Variants in NR2F1-AS1 observed in about 807,000 individuals in gnomAD.
NR2F1-AS1 encodes NR2F1 regulatory antisense RNA 1.
At chr5:93,540,662 G>C (rs1319237636) in intron 4 of NR2F1-AS1, among the ~76,000 whole-genome samples, 1 of 152,104 alleles carries the variant, frequency 6.6e-6, no homozygotes, top group African/African-American at 2.4e-5. Context: ...GTGGAGTTGT[G>C]CTAAAAATCT....
At chr5:93,520,051 C>T (rs1365036337) in intron 4 of NR2F1-AS1, among the ~76,000 whole-genome samples, 1 of 152,012 alleles carries the variant, frequency 6.6e-6, no homozygotes, top group African/African-American at 2.4e-5. Flanking sequence ...ACATTCACTA[C>T]TATTTTCAGT....
intron 4 of NR2F1-AS1, among the ~76,000 whole-genome samples, chr5:93,539,061 T>C (rs1751896581): frequency 6.6e-6 from 1 of 152,146 alleles, no homozygotes; most frequent in African/African-American, 2.4e-5. Context: ...GGCGGATCAC[T>C]TGAGGTCAGG....
At chr5:93,459,566 G>A (rs1750044897) in intron 4 of NR2F1-AS1, among the ~76,000 whole-genome samples, 1 of 152,092 alleles carries the variant, frequency 6.6e-6, no homozygotes, top group African/African-American at 2.4e-5. Context: ...CAGTAAAGCT[G>A]AGTTTTAGAA....
chr5:93,549,679 G>A (rs909662846), intron 4 of NR2F1-AS1, among the ~76,000 whole-genome samples: 1 of 152,030 alleles, frequency 6.6e-6, no homozygotes, highest in African/African-American at 2.4e-5. Context: ...ATTTTGTGCA[G>A]GATTCTCAAG....
At chr5:93,517,678 G>T (rs1040152462) in intron 4 of NR2F1-AS1, among the ~76,000 whole-genome samples, 1 of 152,000 alleles carries the variant, frequency 6.6e-6, no homozygotes, top group Non-Finnish European at 1.5e-5. Context: ...GATTTACAAT[G>T]TTACTAAGCA....
chr5:93,564,049 T>G (rs1420747594), intron 1 of NR2F1-AS1, among the ~76,000 whole-genome samples: 6 of 127,958 alleles, frequency 4.7e-5, no homozygotes, highest in Non-Finnish European at 6.2e-5. Flanking sequence ...TTACAATGAG[T>G]GGAGATCACG....
At chr5:93,559,537 G>C (rs1752439736) in intron 2 of NR2F1-AS1, among the ~76,000 whole-genome samples, 1 of 152,094 alleles carries the variant, frequency 6.6e-6, no homozygotes, top group Non-Finnish European at 1.5e-5. Context: ...CTAGCTTTTG[G>C]CCTGTGTTGG....
chr5:93,508,397 A>G (rs1012772424), intron 4 of NR2F1-AS1, among the ~76,000 whole-genome samples: 1 of 152,198 alleles, frequency 6.6e-6, no homozygotes, highest in African/African-American at 2.4e-5. Flanking sequence ...AGTTATTTTC[A>G]TAATGATACT....
chr5:93,476,620 T>A (rs1056106324), intron 4 of NR2F1-AS1, among the ~76,000 whole-genome samples: 1 of 152,200 alleles, frequency 6.6e-6, no homozygotes, highest in African/African-American at 2.4e-5. Context: ...GCCTTCAATA[T>A]CCCATACATC....
At chr5:93,585,551 C>G (rs1212886091), upstream of NR2F1-AS1, 9 of 1,369,974 alleles carry the variant, frequency 6.6e-6, no homozygotes, top group Non-Finnish European at 9.2e-6. Context: ...TTCTTTCTTT[C>G]TCGCCCGGGT....
intron 4 of NR2F1-AS1, among the ~76,000 whole-genome samples, chr5:93,448,312 C>T (rs1202343426): frequency 6.6e-6 from 1 of 152,278 alleles, no homozygotes; most frequent in Non-Finnish European, 1.5e-5. Flanking sequence ...GCCTTTCTGT[C>T]CTTGGGGTCC....
chr5:93,477,787 T>C (rs1750516208), intron 4 of NR2F1-AS1, among the ~76,000 whole-genome samples: 1 of 152,210 alleles, frequency 6.6e-6, no homozygotes, highest in Admixed American at 6.5e-5. Flanking sequence ...CCAAAAACTT[T>C]AATGAAAATC....
chr5:93,548,768 G>C (rs1752153295), intron 4 of NR2F1-AS1, among the ~76,000 whole-genome samples: 1 of 152,108 alleles, frequency 6.6e-6, no homozygotes, highest in Non-Finnish European at 1.5e-5. Flanking sequence ...CTACTTGGGA[G>C]GCTGAGATAG....
intron 1 of NR2F1-AS1, among the ~76,000 whole-genome samples, chr5:93,566,515 A>G (rs1329200897): frequency 6.6e-6 from 1 of 152,060 alleles, no homozygotes; most frequent in Admixed American, 6.5e-5. Context: ...TACTTCTGAC[A>G]GATTAAATAT....
At chr5:93,581,629 G>T (rs1432899457), upstream of NR2F1-AS1, among the ~76,000 whole-genome samples, 5 of 137,274 alleles carry the variant, frequency 3.6e-5, no homozygotes, top group Non-Finnish European at 7.6e-5. Context: ...CCCTCCTCCC[G>T]CGACCAATCA....
At chr5:93,472,274 A>T (rs922790344) in intron 4 of NR2F1-AS1, among the ~76,000 whole-genome samples, 3 of 151,894 alleles carry the variant, frequency 2.0e-5, no homozygotes, top group Non-Finnish European at 4.4e-5. Flanking sequence ...AATAATTTTG[A>T]AAAGACAATC....
At chr5:93,439,257 C>T (rs1749505712) in intron 4 of NR2F1-AS1, among the ~76,000 whole-genome samples, 1 of 152,218 alleles carries the variant, frequency 6.6e-6, no homozygotes, top group African/African-American at 2.4e-5. Context: ...ACAATTAGTG[C>T]CACATCTTTT....
chr5:93,509,161 C>G (rs1751245362), intron 4 of NR2F1-AS1, among the ~76,000 whole-genome samples: 1 of 152,002 alleles, frequency 6.6e-6, no homozygotes, highest in Non-Finnish European at 1.5e-5. Flanking sequence ...GAAAAGGATA[C>G]TATGTGTATC....
intron 4 of NR2F1-AS1, among the ~76,000 whole-genome samples, chr5:93,471,460 AAATG>A (rs1260429136): frequency 6.6e-6 from 1 of 151,968 alleles, no homozygotes; most frequent in Non-Finnish European, 1.5e-5. Context: ...AATTTTTTAA[AAATG>A]AATGCAATGC....
Sources: gnomAD v4.1 joint callset for allele counts (sites outside exome capture counted in the v4.1 genomes callset) on GRCh38, gnomAD v4.1.1 for gene constraint, MANE v1.5 for transcripts, NCBI Gene and HGNC (gene_info 2026-07-23, HGNC 2026-07-21) for gene names.